Variants in GNB4 observed in about 807,000 individuals in gnomAD.
GNB4 encodes the protein G protein subunit beta 4, also known as guanine nucleotide-binding protein subunit beta-4.
A neutral mutation model predicts 45.2 loss-of-function variants in GNB4; 28 were observed. The ratio of observed to expected loss-of-function variants is 0.62; its 90% confidence interval spans 0.46 to 0.85. The LOEUF (loss-of-function observed/expected upper bound fraction) is 0.85. Among genes scored for constraint, GNB4 ranks in the 40% least tolerant of loss-of-function variants. The pLI is 0.00. For synonymous variants in GNB4, 132 were observed against 143.7 expected, an observed-to-expected ratio of 0.92 and a Z score of 0.58; for missense variants, 321 against 425.4, an observed-to-expected ratio of 0.75 and a Z score of 2.16.
the GNB4 span, among the ~76,000 whole-genome samples, chr3:179,502,168 A>G: frequency 6.7e-6 from 1 of 150,096 alleles, no homozygotes; most frequent in East Asian, 1.9e-4. Context: ...AAGTAAATGT[A>G]TAATTTTCTT....
intron 8 of GNB4, among the ~76,000 whole-genome samples, chr3:179,409,185 CA>C (rs1253602940): frequency 6.7e-6 from 1 of 150,004 alleles, no homozygotes; most frequent in Non-Finnish European, 1.5e-5. Flanking sequence ...TAAAAAGTTC[CA>C]AATCAATGAC....
rs1714223894 is a variant in GNB4 at position 179,399,600 on chromosome 3, C to G, written c.*1613G>C. ...GTCCTATATCTTAATTTGCCTTTATCCACTTTATTATTCTAATTGTCAACT... is the reference window on the plus strand; with the variant it reads ...GTCCTATATCTTAATTTGCCTTTATGCACTTTATTATTCTAATTGTCAACT... On this transcript the variant is annotated 3_prime_UTR_variant, in exon 10 of 10. Coordinates refer to ENST00000232564, the MANE Select transcript of GNB4 (RefSeq NM_021629.4). 6.6e-6 allele frequency: 1 copy of G among 152,184 alleles called. No homozygotes were observed. The highest frequency in any genetic ancestry group is 1.5e-5 in the Non-Finnish European group (1 of 68,044). The allele number at this position is 152,184 out of a possible 1,614,324, so 9.4% of individuals were successfully genotyped here.
chr3:179,472,648 G>A, the GNB4 span, among the ~76,000 whole-genome samples: 5 of 152,024 alleles, frequency 3.3e-5, no homozygotes, highest in African/African-American at 1.2e-4. Context: ...ACAGGCTTCA[G>A]TCACCACACC....
the GNB4 span, among the ~76,000 whole-genome samples, chr3:179,510,760 C>T: frequency 6.6e-6 from 1 of 152,282 alleles, no homozygotes; most frequent in Non-Finnish European, 1.5e-5. Context: ...TTGTTATAGG[C>T]TGACATTCCT....
chr3:179,486,220 C>CAAA, the GNB4 span, among the ~76,000 whole-genome samples: 32 of 123,708 alleles, frequency 2.6e-4, no homozygotes, highest in Admixed American at 3.4e-4. Context: ...GACTCTGTCT[C>CAAA]AAAAAAAAAA....
At chr3:179,477,575 C>T in the GNB4 span, among the ~76,000 whole-genome samples, 1 of 152,128 alleles carries the variant, frequency 6.6e-6, no homozygotes, top group Non-Finnish European at 1.5e-5. Flanking sequence ...TTATCACAAC[C>T]ACTTAAGAAG....
chr3:179,399,414 G>C lies in GNB4; in HGVS notation c.*1799C>G, dbSNP rs1045600864. 3.9e-5 allele frequency: 6 copies of C among 152,158 alleles called. No individual in the cohort carries two copies. Among genetic ancestry groups the C allele is most frequent in the Admixed American group, 3.9e-4 (6 of 15,272 alleles). 9.4% of individuals were successfully genotyped at this position (152,158 alleles called of 1,614,324 possible). A position where few individuals can be genotyped will look rare whatever the true frequency, so the allele number is the denominator to read the frequency against. On this transcript the variant is annotated 3_prime_UTR_variant, in exon 10 of 10. Coordinates refer to ENST00000232564, the MANE Select transcript of GNB4 (RefSeq NM_021629.4). ...GATGGGGTTTCACCATGTTGGGTAG[G>C]CTGGTCGCGAACTCCTGACCTCAAG...
the GNB4 span, among the ~76,000 whole-genome samples, chr3:179,474,210 A>G: frequency 6.0e-4 from 92 of 152,094 alleles, no homozygotes; most frequent in African/African-American, 2.1e-3. Context: ...TAATAATAAT[A>G]ATATTCAATT....
chr3:179,444,071 T>A (rs1378325826), intron 1 of GNB4, among the ~76,000 whole-genome samples: 1 of 152,214 alleles, frequency 6.6e-6, no homozygotes, highest in Non-Finnish European at 1.5e-5. Context: ...TTCTTCAGCA[T>A]CCTCTCATAA....
chr3:179,526,942 T>A, the GNB4 span, among the ~76,000 whole-genome samples: 50 of 152,174 alleles, frequency 3.3e-4, no homozygotes, highest in African/African-American at 1.2e-3. Context: ...CAAATGGACA[T>A]TGTAGAATGC....
At chr3:179,429,557 C>G (rs559726213) in intron 1 of GNB4, among the ~76,000 whole-genome samples, 1 of 152,256 alleles carries the variant, frequency 6.6e-6, no homozygotes, top group South Asian at 2.1e-4. Flanking sequence ...TGGCTCATCC[C>G]TTCTTAACCA....
At chr3:179,480,833 C>G in the GNB4 span, among the ~76,000 whole-genome samples, 1 of 150,384 alleles carries the variant, frequency 6.6e-6, no homozygotes, top group Non-Finnish European at 1.5e-5. Context: ...TCAATGCAAA[C>G]TGATTTCATT....
intron 2 of GNB4, among the ~76,000 whole-genome samples, chr3:179,422,311 T>C (rs1577032422): frequency 6.6e-6 from 1 of 152,242 alleles, no homozygotes; most frequent in South Asian, 2.1e-4. Flanking sequence ...CTCTCTCTTA[T>C]GAACACTATT....
the GNB4 span, among the ~76,000 whole-genome samples, chr3:179,509,010 TA>T: frequency 1.4e-5 from 2 of 146,968 alleles, no homozygotes; most frequent in Non-Finnish European, 3.0e-5. Context: ...CTGTGATTTT[TA>T]AAAAATTTCC....
At chr3:179,508,932 G>GTGTGTGTATATATA in the GNB4 span, among the ~76,000 whole-genome samples, 15 of 102,122 alleles carry the variant, frequency 1.5e-4, no homozygotes, top group African/African-American at 6.0e-4. Flanking sequence ...TTCAGCATGT[G>GTGTGTGTATATATA]TATATATATA....
At chr3:179,420,983 T>C in intron 2 of GNB4, 56 bp from the exon 3 acceptor site, 1 of 968,858 alleles carries the variant, frequency 1.0e-6, no homozygotes, top group Non-Finnish European at 1.6e-6. Context: ...ATGACTAAAG[T>C]GATACTTTTA....
chr3:179,441,995 C>T (rs946820148), intron 1 of GNB4, among the ~76,000 whole-genome samples: 2 of 152,008 alleles, frequency 1.3e-5, no homozygotes, highest in African/African-American at 4.8e-5. Flanking sequence ...TTAGTAAAGA[C>T]AGGGTTTCAC....
the GNB4 span, among the ~76,000 whole-genome samples, chr3:179,480,841 A>ATTTTTTTTTTTTTTTTTTTTTTTTT: frequency 7.3e-6 from 1 of 136,648 alleles, no homozygotes. Context: ...AACTGATTTC[A>ATTTTTTTTTTTTTTTTTTTTTTTTT]TTTTTTTTTT....
chr3:179,465,011 G>T, the GNB4 span: 1 of 1,529,896 alleles, frequency 6.5e-7, no homozygotes, highest in African/African-American at 1.4e-5. Flanking sequence ...TGAACGTCCC[G>T]GAGGTGATGC....
Sources: allele counts gnomAD v4.1 joint callset (sites outside exome capture counted in the v4.1 genomes callset), GRCh38; gene constraint gnomAD v4.1.1; transcripts MANE v1.5; gene names NCBI Gene and HGNC (gene_info 2026-07-23, HGNC 2026-07-21).